TBCA: variants seen among roughly 807,000 people sequenced by gnomAD.
TBCA encodes tubulin-specific chaperone A.
TBCA carries 6 observed loss-of-function variants against 15.8 expected under a neutral mutation model. The observed-to-expected ratio is 0.38, with a 90% confidence interval of 0.21 to 0.75. The LOEUF (loss-of-function observed/expected upper bound fraction) is 0.75, where lower values mean the gene tolerates loss of function less well. Ranked by LOEUF, TBCA falls within the 30% of genes least tolerant of loss-of-function variation. TBCA has a pLI of 0.46. For missense variants in TBCA, 90 were observed against 131.2 expected (o/e 0.69, Z 1.53); for synonymous variants, 32 against 42.3 (o/e 0.76, Z 0.94).
At chr5:77,706,280 C>G (rs1395861977) in intron 2 of TBCA, among the ~76,000 whole-genome samples, 1 of 152,024 alleles carries the variant, frequency 6.6e-6, no homozygotes, top group Non-Finnish European at 1.5e-5. Flanking sequence ...TTTAAACTGT[C>G]ATCTGGAAAT....
chr5:77,772,440 C>T (rs920484916), intron 1 of TBCA, among the ~76,000 whole-genome samples: 3 of 151,580 alleles, frequency 2.0e-5, no homozygotes, highest in African/African-American at 4.8e-5. Flanking sequence ...CAAAACTGCA[C>T]GTTCAGCACA....
At position 77,766,655 on chromosome 5, in the gene TBCA, G is replaced by A. The variant is rs1471550448; in HGVS notation, c.53+9550C>T. 1.2e-4 allele frequency among the ~76,000 whole-genome samples: 10 copies of A among 83,994 alleles called. 5 individuals carry two copies. Among genetic ancestry groups the A allele is most frequent in the African/African-American group, 4.8e-4 (10 of 21,040 alleles). 55.1% of individuals were successfully genotyped at this position (83,994 alleles called of 152,430 possible). On this transcript the variant is annotated intron_variant, in intron 1 of 3. Coordinates refer to ENST00000380377, the MANE Select transcript of TBCA (RefSeq NM_004607.3). The stretch of plus-strand genomic sequence containing the variant: ...CTCCCGAGTAGCTGGGACCACAGGC[G>A]CCCGCCACTGCGCCCGGCTAATTTT...
chr5:77,772,515 T>C (rs911264741), intron 1 of TBCA, among the ~76,000 whole-genome samples: 1 of 151,936 alleles, frequency 6.6e-6, no homozygotes, highest in African/African-American at 2.4e-5. Context: ...GATACTAAGG[T>C]AGAAGATGGA....
intron 1 of TBCA, among the ~76,000 whole-genome samples, chr5:77,774,204 A>C (rs1182720099): frequency 2.0e-5 from 3 of 152,202 alleles, no homozygotes; most frequent in Non-Finnish European, 1.5e-5. Context: ...GCATCACAGG[A>C]CAGATAGCGG....
In TBCA at chr5:77,708,313, CCT is replaced by C. The variant is rs1746195928; in HGVS notation, c.86_87del (p.Glu29GlyfsTer9). 6.2e-7 allele frequency: 1 copy of C among 1,610,650 alleles called. No individual in the cohort carries two copies. Among genetic ancestry groups the C allele is most frequent in the African/African-American group, 1.3e-5 (1 of 74,648 alleles). ...LVKEKVMYEK[E>X]AKQQEEKIEK... Reference sequence around the variant, plus strand: ...TCAATCTTTTCTTCTTGTTGTTTTGCCTCTTTTTCATACATCACTTTTTCTTT... The same window carrying C: ...TCAATCTTTTCTTCTTGTTGTTTTGCCTTTTTCATACATCACTTTTTCTTT... On this transcript the variant is annotated frameshift_variant, in exon 2 of 4. Coordinates refer to ENST00000380377, the MANE Select transcript of TBCA (RefSeq NM_004607.3). LOFTEE classifies it high-confidence loss of function.
At chr5:77,705,275 G>A (rs1374183414) in intron 2 of TBCA, among the ~76,000 whole-genome samples, 1 of 142,098 alleles carries the variant, frequency 7.0e-6, no homozygotes, top group East Asian at 1.9e-4. Context: ...ATACATTATT[G>A]ATGGTGAAAA....
intron 1 of TBCA, among the ~76,000 whole-genome samples, chr5:77,732,965 T>C (rs951239187): frequency 6.6e-6 from 1 of 152,134 alleles, no homozygotes; most frequent in East Asian, 1.9e-4. Context: ...AAGAATCACA[T>C]GTCTCTAACT....
At chr5:77,738,185 C>T (rs543554095) in intron 1 of TBCA, among the ~76,000 whole-genome samples, 71 of 152,214 alleles carry the variant, frequency 4.7e-4, no homozygotes, top group African/African-American at 1.5e-3. Context: ...TTGTTATTTT[C>T]CACTATAAAA....
chr5:77,749,832 GT>G (rs1035841582), intron 1 of TBCA, among the ~76,000 whole-genome samples: 2 of 151,980 alleles, frequency 1.3e-5, no homozygotes, highest in East Asian at 1.9e-4. Flanking sequence ...TAGAAGACTA[GT>G]TTTTTTTAAA....
intron 1 of TBCA, among the ~76,000 whole-genome samples, chr5:77,717,714 C>T: frequency 6.6e-6 from 1 of 152,152 alleles, no homozygotes; most frequent in East Asian, 1.9e-4. Flanking sequence ...CGCCTGTAAT[C>T]CCAACTACTC....
chr5:77,727,239 G>GAAAAA (rs35477479), intron 1 of TBCA, among the ~76,000 whole-genome samples: 41 of 80,948 alleles, frequency 5.1e-4, no homozygotes, highest in East Asian at 7.6e-4. Flanking sequence ...TCTGTCTCAG[G>GAAAAA]AAAAAAAAAA....
intron 2 of TBCA, chr5:77,694,295 T>C (rs1272778514): frequency 6.6e-6 from 1 of 152,232 alleles, no homozygotes; most frequent in African/African-American, 2.4e-5. Context: ...CCATGCAATG[T>C]GAGCCAAATT....
intron 1 of TBCA, among the ~76,000 whole-genome samples, chr5:77,768,753 A>G (rs1194856630): frequency 6.6e-6 from 1 of 152,204 alleles, no homozygotes; most frequent in Non-Finnish European, 1.5e-5. Flanking sequence ...AATCAGTTCT[A>G]TTTGGACACA....
chr5:77,725,578 G>A (rs989722020), intron 1 of TBCA, among the ~76,000 whole-genome samples: 7 of 152,066 alleles, frequency 4.6e-5, no homozygotes, highest in South Asian at 2.1e-4. Flanking sequence ...CTGGGTTGTC[G>A]GCACGACAAC....
At chr5:77,744,822 C>T (rs1458147619) in intron 1 of TBCA, among the ~76,000 whole-genome samples, 1 of 152,172 alleles carries the variant, frequency 6.6e-6, no homozygotes, top group Non-Finnish European at 1.5e-5. Flanking sequence ...AGGCGTGAGC[C>T]ACTGCACCCA....
At chr5:77,702,250 T>C (rs79695272) in intron 2 of TBCA, among the ~76,000 whole-genome samples, 10,842 of 152,208 alleles carry the variant, frequency 0.071, 542 homozygotes, top group African/African-American at 0.14. Context: ...TCACAGCAGC[T>C]TTTCTCACAA....
chr5:77,756,028 A>G (rs755279884), intron 1 of TBCA, among the ~76,000 whole-genome samples: 38 of 152,182 alleles, frequency 2.5e-4, no homozygotes, highest in Non-Finnish European at 4.9e-4. Flanking sequence ...CAACAAAAAA[A>G]AAAACACAAA....
chr5:77,762,256 A>G (rs964713923), intron 1 of TBCA, among the ~76,000 whole-genome samples: 4 of 152,244 alleles, frequency 2.6e-5, no homozygotes, highest in African/African-American at 4.8e-5. Context: ...AATGTATTAG[A>G]ATTATTCTAT....
chr5:77,774,119 C>T (rs1370340734), intron 1 of TBCA, among the ~76,000 whole-genome samples: 1 of 152,184 alleles, frequency 6.6e-6, no homozygotes, highest in Non-Finnish European at 1.5e-5. Flanking sequence ...AACAATTGAG[C>T]AGCATTAACA....
Sources: gnomAD v4.1 joint callset for allele counts (sites outside exome capture counted in the v4.1 genomes callset) on GRCh38, gnomAD v4.1.1 for gene constraint, MANE v1.5 for transcripts, NCBI Gene and HGNC (gene_info 2026-07-23, HGNC 2026-07-21) for gene names.